The following TPRG1 variants were observed in gnomAD, a reference collection of about 807,000 sequenced individuals.
The protein encoded by TPRG1 is tumor protein p63 regulated 1.
TPRG1 carries 29 observed loss-of-function variants against 29.3 expected under a neutral mutation model. The ratio of observed to expected loss-of-function variants is 0.99; its 90% CI spans 0.74 to 1.35. The LOEUF is 1.35. Ranked by LOEUF, TPRG1 falls within the 40% of genes most tolerant of loss-of-function variation. TPRG1 has a pLI of 0.00. For synonymous variants in TPRG1, 130 were observed against 116.8 expected (o/e 1.11, Z -0.73); for missense variants, 327 against 335.0 (o/e 0.98, Z 0.19).
At chr3:189,068,236 T>C (rs906557431) in intron 4 of TPRG1, among the ~76,000 whole-genome samples, 4 of 152,198 alleles carry the variant, frequency 2.6e-5, no homozygotes, top group South Asian at 2.1e-4. Flanking sequence ...GTAGAGCCAC[T>C]ATAGAGAACA....
intron 3 of TPRG1, among the ~76,000 whole-genome samples, chr3:189,138,529 C>T (rs1235895323): frequency 6.6e-6 from 1 of 152,134 alleles, no homozygotes; most frequent in Non-Finnish European, 1.5e-5. Flanking sequence ...CTGGTTTTCT[C>T]CTCCCCTTAG....
At chr3:189,213,094 C>A (rs1047896214) in intron 2 of TPRG1, among the ~76,000 whole-genome samples, 2 of 152,054 alleles carry the variant, frequency 1.3e-5, no homozygotes, top group Non-Finnish European at 2.9e-5. Context: ...ACATTTGATC[C>A]CCAAATTCTG....
At chr3:189,009,956 C>T (rs779131534) in intron 3 of TPRG1, among the ~76,000 whole-genome samples, 1 of 152,048 alleles carries the variant, frequency 6.6e-6, no homozygotes, top group Non-Finnish European at 1.5e-5. Context: ...ACCCCTTGCC[C>T]TCCCACAGGC....
At chr3:189,060,693 G>A (rs111691318) in intron 4 of TPRG1, among the ~76,000 whole-genome samples, 41 of 152,158 alleles carry the variant, frequency 2.7e-4, no homozygotes, top group Admixed American at 7.2e-4. Context: ...CCCATTCACA[G>A]TTGCCACAAA....
intron 4 of TPRG1, among the ~76,000 whole-genome samples, chr3:189,061,465 A>G (rs9823769): frequency 2.0e-5 from 3 of 152,114 alleles, no homozygotes; most frequent in Non-Finnish European, 4.4e-5. Flanking sequence ...CTAAAGAGCT[A>G]TTGCACAGCA....
intron 4 of TPRG1, among the ~76,000 whole-genome samples, chr3:189,039,135 C>G (rs575607053): frequency 1.4e-4 from 21 of 152,294 alleles, no homozygotes; most frequent in Non-Finnish European, 2.6e-4. Context: ...GTGACATATA[C>G]AAGGATATAG....
chr3:189,060,015 C>T (rs560967631), intron 4 of TPRG1, among the ~76,000 whole-genome samples: 1 of 152,276 alleles, frequency 6.6e-6, no homozygotes, highest in African/African-American at 2.4e-5. Flanking sequence ...GGTGGATCAC[C>T]TGAGGTCTGG....
At chr3:189,073,568 A>C (rs995320332) in intron 4 of TPRG1, among the ~76,000 whole-genome samples, 1 of 151,930 alleles carries the variant, frequency 6.6e-6, no homozygotes, top group African/African-American at 2.4e-5. Flanking sequence ...TTCTGTTTGT[A>C]CTTGGTTTTA....
At chr3:189,110,139 G>T (rs148298207) in intron 1 of TPRG1, among the ~76,000 whole-genome samples, 1 of 152,250 alleles carries the variant, frequency 6.6e-6, no homozygotes, top group African/African-American at 2.4e-5. Context: ...ACTACAAGTG[G>T]GATTGCTGCA....
chr3:189,112,907 A>C (rs1017728478), intron 1 of TPRG1, among the ~76,000 whole-genome samples: 2 of 152,122 alleles, frequency 1.3e-5, no homozygotes, highest in Non-Finnish European at 2.9e-5. Flanking sequence ...TTCCAAATCT[A>C]TGAAGAAAGT....
chr3:189,053,096 C>T (rs984023149), intron 4 of TPRG1, among the ~76,000 whole-genome samples: 8 of 152,146 alleles, frequency 5.3e-5, no homozygotes, highest in African/African-American at 1.9e-4. Context: ...AAAAGAAAAT[C>T]AGATGTTTAG....
At chr3:189,152,044 G>A (rs1726002670) in intron 5 of TPRG1, among the ~76,000 whole-genome samples, 1 of 152,174 alleles carries the variant, frequency 6.6e-6, no homozygotes, top group Non-Finnish European at 1.5e-5. Flanking sequence ...GGTCTGGATT[G>A]AGCAGATGTG....
chr3:189,046,585 A>G lies in TPRG1; in HGVS notation c.-463+22639A>G, dbSNP rs939153022. Among the ~76,000 whole-genome samples the G allele has an allele frequency of 2.6e-5, 4 of 152,040 alleles. No individual in the cohort carries two copies. In the East Asian group the frequency reaches 7.7e-4, roughly 29 times the overall value. ...AAACTAGGGAAAATTAAAAGATTGTATAACAGGAACATCACCACAGGGTTT... is the reference window on the plus strand; with the variant it reads ...AAACTAGGGAAAATTAAAAGATTGTGTAACAGGAACATCACCACAGGGTTT... On this transcript the variant is annotated intron_variant, in intron 4 of 10. Coordinates refer to the TPRG1 transcript ENST00000433971.
At chr3:189,291,818 T>A (rs781257164) in intron 4 of TPRG1, among the ~76,000 whole-genome samples, 1 of 152,160 alleles carries the variant, frequency 6.6e-6, no homozygotes, top group Admixed American at 6.5e-5. Context: ...GACACACCAA[T>A]TGGGAGATGA....
At chr3:189,291,838 A>G (rs1719052410) in intron 4 of TPRG1, among the ~76,000 whole-genome samples, 1 of 152,202 alleles carries the variant, frequency 6.6e-6, no homozygotes. Flanking sequence ...AACAAACTGA[A>G]GCTGGGAGCA....
At chr3:189,296,141 TA>T in intron 4 of TPRG1, among the ~76,000 whole-genome samples, 1 of 152,342 alleles carries the variant, frequency 6.6e-6, no homozygotes, top group Non-Finnish European at 1.5e-5. Context: ...GCATTTAGCC[TA>T]AATAAGTCAT....
intron 1 of TPRG1, among the ~76,000 whole-genome samples, chr3:189,187,136 A>G (rs1380908667): frequency 6.6e-6 from 1 of 151,156 alleles, no homozygotes; most frequent in Admixed American, 6.6e-5. Flanking sequence ...ACAGATTCGC[A>G]CCACCACACT....
At chr3:189,117,763 G>T (rs191035658) in intron 1 of TPRG1, among the ~76,000 whole-genome samples, 29 of 152,330 alleles carry the variant, frequency 1.9e-4, no homozygotes, top group Non-Finnish European at 3.8e-4. Flanking sequence ...GAAGGTACTT[G>T]CTTCTCCTTT....
intron 4 of TPRG1, among the ~76,000 whole-genome samples, chr3:189,292,461 T>C (rs1356212732): frequency 3.3e-5 from 5 of 152,172 alleles, no homozygotes; most frequent in African/African-American, 1.2e-4. Context: ...CTGCTTTGTC[T>C]CTCTGTTTTC....
Sources: gnomAD v4.1 joint callset for allele counts (sites outside exome capture counted in the v4.1 genomes callset) on GRCh38, gnomAD v4.1.1 for gene constraint, MANE v1.5 for transcripts, NCBI Gene and HGNC (gene_info 2026-07-23, HGNC 2026-07-21) for gene names.